The following TNS3 variants were observed in gnomAD, a reference collection of about 807,000 sequenced individuals.
TNS3 encodes tensin-3.
A neutral mutation model predicts 140.9 loss-of-function variants in TNS3; 45 were observed. The observed-to-expected ratio is 0.32, with a 90% CI of 0.25 to 0.41. TNS3 has a LOEUF of 0.41. Among genes scored for constraint, TNS3 ranks in the 10% least tolerant of loss-of-function variants. The pLI is 1.00. For synonymous variants in TNS3, 815 were observed against 788.4 expected, an observed-to-expected ratio of 1.03 and a Z score of -0.56; for missense variants, 1,716 against 1,906.7, an observed-to-expected ratio of 0.90 and a Z score of 1.86.
At chr7:47,487,066 A>G (rs1797638422) in intron 3 of TNS3, among the ~76,000 whole-genome samples, 1 of 152,216 alleles carries the variant, frequency 6.6e-6, no homozygotes, top group South Asian at 2.1e-4. Context: ...TGGGAGGCCC[A>G]GATGGGCGGA....
intron 4 of TNS3, among the ~76,000 whole-genome samples, chr7:47,466,160 C>CT (rs1025144094): frequency 2.8e-4 from 41 of 148,944 alleles, no homozygotes; most frequent in African/African-American, 5.7e-4. Flanking sequence ...CAGTTCCTTT[C>CT]TTTTTTTTTT....
intron 8 of TNS3, among the ~76,000 whole-genome samples, chr7:47,428,742 C>T (rs922156305): frequency 3.9e-5 from 6 of 152,234 alleles, no homozygotes; most frequent in South Asian, 2.1e-4. Context: ...CAGAAGTGAA[C>T]GCCTGCCTGC....
chr7:47,545,384 G>A (rs1799893979), intron 1 of TNS3, among the ~76,000 whole-genome samples: 1 of 152,160 alleles, frequency 6.6e-6, no homozygotes, highest in African/African-American at 2.4e-5. Flanking sequence ...GGAAGAGCTA[G>A]ATGGTAGTGC....
intron 2 of TNS3, among the ~76,000 whole-genome samples, chr7:47,524,371 C>G (rs1799100493): frequency 6.6e-6 from 1 of 152,256 alleles, no homozygotes; most frequent in South Asian, 2.1e-4. Context: ...ATCCTGATCT[C>G]TTTCTACTGC....
intron 17 of TNS3, among the ~76,000 whole-genome samples, chr7:47,367,175 C>T (rs978863279): frequency 5.3e-5 from 8 of 152,326 alleles, no homozygotes; most frequent in East Asian, 1.9e-4. Flanking sequence ...CCCGCAGGCA[C>T]AGCCGCTACA....
At chr7:47,576,814 G>A (rs550608778) in intron 1 of TNS3, among the ~76,000 whole-genome samples, 3 of 152,276 alleles carry the variant, frequency 2.0e-5, no homozygotes, top group South Asian at 4.1e-4. Context: ...TGGGGAGAGC[G>A]CAGATTCCTG....
intron 1 of TNS3, among the ~76,000 whole-genome samples, chr7:47,529,761 T>C (rs2151940813): frequency 6.6e-6 from 1 of 152,376 alleles, no homozygotes; most frequent in East Asian, 1.9e-4. Context: ...CCTATTCATG[T>C]TTGTAGAGCC....
chr7:47,443,732 G>C (rs1314836648), intron 4 of TNS3, among the ~76,000 whole-genome samples: 1 of 152,070 alleles, frequency 6.6e-6, no homozygotes, highest in South Asian at 2.1e-4. Flanking sequence ...GACCACCCTG[G>C]CCAACATGGT....
chr7:47,356,267 T>C (rs570056688), intron 17 of TNS3, among the ~76,000 whole-genome samples: 1 of 152,338 alleles, frequency 6.6e-6, no homozygotes, highest in South Asian at 2.1e-4. Context: ...AGCTCGGGCC[T>C]CACCTGTGAA....
At chr7:47,382,755 G>A (rs1041006949) in intron 16 of TNS3, among the ~76,000 whole-genome samples, 1 of 149,526 alleles carries the variant, frequency 6.7e-6, no homozygotes, top group African/African-American at 2.5e-5. Flanking sequence ...TATAGGAAAA[G>A]TGGACTCTCC....
chr7:47,368,472 C>A lies in TNS3; in HGVS notation c.2174G>T (p.Ser725Ile). 6.3e-7 allele frequency: 1 copy of A among 1,590,784 alleles called. No individual in the cohort carries two copies. The highest frequency in any genetic ancestry group is 1.1e-5 in the South Asian group (1 of 89,128). The change falls in exon 17 of 31, where the codon AGC becomes ATC. Residue 725 changes from serine (S) to isoleucine (I), a missense_variant. By Grantham distance (142) the Ser-to-Ile change is moderately radical. Transcript: ENST00000311160. ...TGGAGACACAGAGCCATTGGCCTGGCTACCGAGGGCGTTCATGTGGGTAGG... is the reference window on the plus strand; with the variant it reads ...TGGAGACACAGAGCCATTGGCCTGGATACCGAGGGCGTTCATGTGGGTAGG... ...PIPTHMNALG[S>I]QANGSVSPDS...
chr7:47,557,809 T>C (rs1800234787), intron 1 of TNS3, among the ~76,000 whole-genome samples: 1 of 152,158 alleles, frequency 6.6e-6, no homozygotes, highest in African/African-American at 2.4e-5. Context: ...TGTCCAACAA[T>C]GAATTATTCC....
intron 3 of TNS3, among the ~76,000 whole-genome samples, chr7:47,503,718 G>T (rs1015125254): frequency 6.6e-6 from 1 of 152,082 alleles, no homozygotes; most frequent in Admixed American, 6.5e-5. Flanking sequence ...GTCCATGTGG[G>T]CTGCTATAAC....
intron 3 of TNS3, among the ~76,000 whole-genome samples, chr7:47,504,324 A>G (rs1036295965): frequency 6.6e-6 from 1 of 152,318 alleles, no homozygotes; most frequent in South Asian, 2.1e-4. Flanking sequence ...GTGCCACAGA[A>G]GGGGCTCTGA....
intron 4 of TNS3, among the ~76,000 whole-genome samples, chr7:47,461,592 T>A (rs1019239296): frequency 6.6e-6 from 1 of 152,254 alleles, no homozygotes; most frequent in Non-Finnish European, 1.5e-5. Flanking sequence ...GCATGCCCAC[T>A]GCATGCCTGA....
chr7:47,300,880 C>T (rs1426408235), intron 23 of TNS3, among the ~76,000 whole-genome samples: 1 of 152,328 alleles, frequency 6.6e-6, no homozygotes, highest in East Asian at 1.9e-4. Flanking sequence ...TTCACAAAGG[C>T]CAATTCAGGG....
chr7:47,541,948 C>CAAAAAAAAAAAAAAA (rs11314197), intron 1 of TNS3, among the ~76,000 whole-genome samples: 6 of 130,964 alleles, frequency 4.6e-5, no homozygotes, highest in African/African-American at 1.7e-4. Context: ...GACTCCATCT[C>CAAAAAAAAAAAAAAA]AAAAAAAAAA....
intron 3 of TNS3, among the ~76,000 whole-genome samples, chr7:47,483,295 G>A (rs1438566137): frequency 1.3e-5 from 2 of 151,570 alleles, no homozygotes; most frequent in African/African-American, 2.4e-5. Context: ...TCAGCCTCTC[G>A]AGTAGCTGGG....
At chr7:47,466,297 C>T (rs191171222) in intron 4 of TNS3, among the ~76,000 whole-genome samples, 3 of 152,064 alleles carry the variant, frequency 2.0e-5, no homozygotes, top group East Asian at 2.0e-4. Flanking sequence ...GGATTACAGA[C>T]GTGCACCACC....
Sources: gnomAD v4.1 joint callset for allele counts (sites outside exome capture counted in the v4.1 genomes callset) on GRCh38, gnomAD v4.1.1 for gene constraint, MANE v1.5 for transcripts, NCBI Gene and HGNC (gene_info 2026-07-23, HGNC 2026-07-21) for gene names.